FEZ2: variants seen among roughly 807,000 people sequenced by gnomAD.
FEZ2 encodes fasciculation and elongation protein zeta-2.
A neutral mutation model predicts 40.4 loss-of-function variants in FEZ2; 51 were observed. That is an observed-to-expected ratio of 1.26 (90% CI 1.01 to 1.59). FEZ2 has a LOEUF of 1.59. Among genes scored for constraint, FEZ2 ranks in the 40% most tolerant of loss-of-function variants. FEZ2 has a pLI of 0.00. For missense variants in FEZ2, 640 were observed against 438.3 expected, an observed-to-expected ratio of 1.46 and a Z score of -4.11; for synonymous variants, 242 against 172.0, an observed-to-expected ratio of 1.41 and a Z score of -3.18.
At chr2:36,562,300 A>C (rs2125222134) in intron 5 of FEZ2, among the ~76,000 whole-genome samples, 1 of 152,274 alleles carries the variant, frequency 6.6e-6, no homozygotes, top group South Asian at 2.1e-4. Context: ...GGCTAATATT[A>C]AGTTTCTTGG....
intron 5 of FEZ2, among the ~76,000 whole-genome samples, chr2:36,565,946 G>A (rs1668224270): frequency 6.6e-6 from 1 of 152,146 alleles, no homozygotes; most frequent in Non-Finnish European, 1.5e-5. Flanking sequence ...CCCATGGGGG[G>A]CAAAATTGGC....
intron 2 of FEZ2, among the ~76,000 whole-genome samples, chr2:36,586,027 A>T (rs1668889390): frequency 6.6e-6 from 1 of 152,186 alleles, no homozygotes; most frequent in Non-Finnish European, 1.5e-5. Flanking sequence ...TATAGTTCTA[A>T]TTTACTTTTT....
rs186405683 is a variant in FEZ2, at chr2:36,553,898, G to A, written c.1046-719C>T. On this transcript the variant is annotated intron_variant, in intron 7 of 7. Coordinates refer to ENST00000405912, the MANE Select transcript of FEZ2 (RefSeq NM_005102.3). The stretch of plus-strand genomic sequence containing the variant: ...TGTCGTATTATTGGTCCCCAAGGAA[G>A]AGGAACAGTTAACCAGCTGTGAACT... Among the ~76,000 whole-genome samples, 5 of 152,298 alleles carry A rather than the reference G, an allele frequency of 3.3e-5. No individual in the cohort carries two copies. The East Asian group carries it at 9.6e-4, about 29-fold the overall frequency.
At chr2:36,555,008 T>C (rs1472457182) in intron 7 of FEZ2, among the ~76,000 whole-genome samples, 1 of 152,202 alleles carries the variant, frequency 6.6e-6, no homozygotes, top group Non-Finnish European at 1.5e-5. Context: ...TCGTAAAGTA[T>C]TAATTTTGCC....
chr2:36,562,940 T>G (rs1362506862), intron 5 of FEZ2, among the ~76,000 whole-genome samples: 1 of 152,230 alleles, frequency 6.6e-6, no homozygotes, highest in African/African-American at 2.4e-5. Flanking sequence ...TACAAATTCA[T>G]AAAATCTAAA....
chr2:36,578,655 T>A lies in FEZ2; in HGVS notation c.845A>T (p.Lys282Ile). ...ATTCTGAGAGCTGCCATTTTTTAGT[T>A]TCTTTTTCTTTTTTGCTGTTTCTTT... ...EHKETAKKKK[K>I]LKNGSSQNGK... Residue 282 changes from lysine (K) to isoleucine (I), a missense_variant, in exon 5 of 8, where the codon AAA becomes ATA. Physicochemically the swap from Lys to Ile is moderately radical, Grantham distance 102. Coordinates refer to ENST00000405912, the MANE Select transcript of FEZ2 (RefSeq NM_005102.3). The A allele has an allele frequency of 6.2e-7, 1 of 1,613,632 alleles. No individual in the cohort carries two copies. Among genetic ancestry groups the A allele is most frequent in the South Asian group, 1.1e-5 (1 of 91,020 alleles).
intron 5 of FEZ2, among the ~76,000 whole-genome samples, chr2:36,562,691 T>C (rs904925430): frequency 6.6e-6 from 1 of 152,216 alleles, no homozygotes; most frequent in Non-Finnish European, 1.5e-5. Context: ...ATTTTTCCAA[T>C]GCTATCATAA....
chr2:36,567,244 T>C (rs138005441), intron 5 of FEZ2, among the ~76,000 whole-genome samples: 2 of 152,050 alleles, frequency 1.3e-5, no homozygotes, highest in East Asian at 1.9e-4. Context: ...ATGAGGTGTC[T>C]TGACTTCTTG....
At chr2:36,570,228 A>G (rs1668369263) in intron 5 of FEZ2, among the ~76,000 whole-genome samples, 1 of 152,046 alleles carries the variant, frequency 6.6e-6, no homozygotes, top group African/African-American at 2.4e-5. Context: ...ATTTTTTTAA[A>G]AAAACAGATC....
intron 5 of FEZ2, among the ~76,000 whole-genome samples, chr2:36,562,175 T>G (rs1486346302): frequency 6.6e-6 from 1 of 152,226 alleles, no homozygotes; most frequent in Non-Finnish European, 1.5e-5. Context: ...ATGATATTTT[T>G]TCATGATTTT....
Position 36,580,501 on chromosome 2 carries a change from A to T in FEZ2, c.634+789T>A, listed in dbSNP as rs537668599. 7.9e-5 allele frequency among the ~76,000 whole-genome samples: 12 copies of T among 152,328 alleles called. No individual in the cohort carries two copies. The South Asian group carries it at 2.5e-3, about 32-fold the overall frequency. ...TTCCAACCAGCCTCAGGCTGTTCAC[A>T]GGCTGGTTATATTTATTCAGACATT... On this transcript the variant is annotated intron_variant, in intron 4 of 7. Coordinates refer to ENST00000405912, the MANE Select transcript of FEZ2 (RefSeq NM_005102.3).
At chr2:36,570,122 A>G (rs1261483063) in intron 5 of FEZ2, among the ~76,000 whole-genome samples, 1 of 151,994 alleles carries the variant, frequency 6.6e-6, no homozygotes, top group Non-Finnish European at 1.5e-5. Flanking sequence ...AATAGTTAAG[A>G]TATTATTTAA....
At chr2:36,572,284 G>GA (rs1668441347) in intron 5 of FEZ2, among the ~76,000 whole-genome samples, 1 of 152,162 alleles carries the variant, frequency 6.6e-6, no homozygotes, top group Admixed American at 6.5e-5. Context: ...GGCTGGCCAA[G>GA]GTGTCACTAT....
intron 5 of FEZ2, 68 bp downstream of exon 5, chr2:36,578,529 C>T (rs1241143375): frequency 6.6e-7 from 1 of 1,518,362 alleles, no homozygotes; most frequent in South Asian, 1.3e-5. Context: ...CTGCCACCAG[C>T]CCCAAAGGCT....
At chr2:36,565,459 G>T (rs193285743) in intron 5 of FEZ2, among the ~76,000 whole-genome samples, 15 of 152,018 alleles carry the variant, frequency 9.9e-5, no homozygotes, top group African/African-American at 3.6e-4. Flanking sequence ...TGAGTTTCTT[G>T]CCCCCTCACC....
intron 4 of FEZ2, among the ~76,000 whole-genome samples, chr2:36,579,641 C>A (rs186600828): frequency 2.0e-5 from 3 of 152,162 alleles, no homozygotes; most frequent in Non-Finnish European, 2.9e-5. Context: ...GAGGCCCCCC[C>A]AGAAGCAGAT....
intron 2 of FEZ2, among the ~76,000 whole-genome samples, chr2:36,583,685 C>T (rs80105962): frequency 0.013 from 2,010 of 152,202 alleles, 49 homozygotes; most frequent in African/African-American, 0.046. Flanking sequence ...CACTGAGATG[C>T]TGCATAAGAC....
intron 2 of FEZ2, 157 bp downstream of exon 2, chr2:36,590,746 C>A: frequency 1.8e-6 from 1 of 569,770 alleles, no homozygotes; most frequent in Non-Finnish European, 3.2e-6. Context: ...AAGGTGATGG[C>A]CCTACAGCCA....
intron 4 of FEZ2, among the ~76,000 whole-genome samples, chr2:36,580,438 G>T (rs1668701581): frequency 6.6e-6 from 1 of 152,210 alleles, no homozygotes; most frequent in African/African-American, 2.4e-5. Flanking sequence ...CCTATTCAAG[G>T]AAGGGACCAG....
Sources: allele counts gnomAD v4.1 joint callset (sites outside exome capture counted in the v4.1 genomes callset), GRCh38; gene constraint gnomAD v4.1.1; transcripts MANE v1.5; gene names NCBI Gene and HGNC (gene_info 2026-07-23, HGNC 2026-07-21).